Variants in NUB1 observed in about 807,000 individuals in gnomAD.
NUB1 encodes the protein NEDD8 ultimate buster 1.
Under a neutral mutation model 77.1 loss-of-function variants are expected in NUB1, and 41 were observed. That is an observed-to-expected ratio of 0.53 (90% CI 0.41 to 0.69). NUB1 has a LOEUF of 0.69. Ranked by LOEUF, NUB1 falls within the 30% of genes least tolerant of loss-of-function variation. The pLI, the probability that NUB1 is intolerant of heterozygous loss-of-function variation, is 0.00. For synonymous variants in NUB1, 257 were observed against 281.0 expected (o/e 0.91, Z 0.85); for missense variants, 643 against 743.8 (o/e 0.86, Z 1.58).
At chr7:151,359,304 G>A (rs755920687) in intron 7 of NUB1, among the ~76,000 whole-genome samples, 28 of 151,520 alleles carry the variant, frequency 1.8e-4, no homozygotes, top group African/African-American at 3.9e-4. Context: ...TTAGCCAGGC[G>A]TGGTGGTGGG....
intron 5 of NUB1, among the ~76,000 whole-genome samples, chr7:151,354,100 C>A (rs1384443862): frequency 1.3e-5 from 2 of 152,176 alleles, no homozygotes; most frequent in Admixed American, 1.3e-4. Context: ...AAGAGGTCTT[C>A]AGTCTGTCCA....
At chr7:151,363,025 T>C (rs1797457665) in intron 8 of NUB1, among the ~76,000 whole-genome samples, 1 of 152,220 alleles carries the variant, frequency 6.6e-6, no homozygotes, top group African/African-American at 2.4e-5. Context: ...TACCCTTAAC[T>C]TACCGTTTTC....
intron 11 of NUB1, 44 bp downstream of exon 11, chr7:151,368,931 C>CA (rs778891701): frequency 1.3e-6 from 2 of 1,535,348 alleles, no homozygotes; most frequent in East Asian, 2.4e-5. Context: ...TATGAAAGAA[C>CA]AAAAAAAGAT....
chr7:151,356,254 T>G, intron 7 of NUB1, 32 bp downstream of exon 7: 1 of 1,498,382 alleles, frequency 6.7e-7, no homozygotes, highest in South Asian at 1.1e-5. Flanking sequence ...TGGCCTGTTC[T>G]TAGATTTGTT....
chr7:151,346,989 G>A (rs369934149), intron 2 of NUB1, among the ~76,000 whole-genome samples: 5 of 152,130 alleles, frequency 3.3e-5, no homozygotes. Flanking sequence ...CTAACTCTGG[G>A]TAGTTAGTGT....
At chr7:151,345,192 A>G (rs1351804990) in intron 1 of NUB1, among the ~76,000 whole-genome samples, 156 bp from the exon 2 acceptor site, 1 of 151,882 alleles carries the variant, frequency 6.6e-6, no homozygotes, top group Non-Finnish European at 1.5e-5. Flanking sequence ...ATATATTTTT[A>G]GAGAAGTCTG....
At chr7:151,345,311 G>T (rs755784108) in intron 1 of NUB1, 37 bp from the exon 2 acceptor site, 2 of 1,303,974 alleles carry the variant, frequency 1.5e-6, no homozygotes, top group East Asian at 2.3e-5. Flanking sequence ...TTTAAAATGC[G>T]ATGTGGAGTT....
chr7:151,352,894 A>C lies in NUB1; in HGVS notation c.415+12A>C. 7.2e-7 allele frequency: 1 copy of C among 1,389,008 alleles called. No homozygotes were observed. The highest frequency in any genetic ancestry group is 1.0e-6 in the Non-Finnish European group (1 of 1,000,674). 86.0% of individuals were successfully genotyped at this position (1,389,008 alleles called of 1,614,324 possible). ...GCAACTACAACTAGGTATGTATGGC[A>C]AAGTATGCATAATTTTTTAATGAAC... is the stretch of plus-strand genomic sequence containing the variant. On this transcript the variant is annotated intron_variant, in intron 5 of 14. Transcript: ENST00000568733.
intron 4 of NUB1, 75 bp downstream of exon 4, chr7:151,351,557 T>C: frequency 9.3e-7 from 1 of 1,069,958 alleles, no homozygotes; most frequent in Non-Finnish European, 1.4e-6. Context: ...TCTGTGAGCG[T>C]CCTCTTAAGA....
At chr7:151,366,587 G>A (rs184600650) in intron 8 of NUB1, among the ~76,000 whole-genome samples, 263 of 152,314 alleles carry the variant, frequency 1.7e-3, no homozygotes, top group Admixed American at 3.8e-3. Flanking sequence ...AGTCAGGATT[G>A]GAAGTCACAG....
chr7:151,370,776 G>T (rs959439950), intron 11 of NUB1, among the ~76,000 whole-genome samples: 1 of 146,422 alleles, frequency 6.8e-6, no homozygotes, highest in African/African-American at 2.6e-5. Flanking sequence ...TCCCACCTGT[G>T]AGTGAGAATA....
intron 11 of NUB1, 108 bp downstream of exon 11, chr7:151,368,995 G>A (rs1388588949): frequency 1.6e-6 from 2 of 1,224,362 alleles, no homozygotes; most frequent in Non-Finnish European, 2.2e-6. Flanking sequence ...AGATTGGGAA[G>A]GAAGGAGAAA....
chr7:151,373,579 T>G (rs1477243766), intron 11 of NUB1, among the ~76,000 whole-genome samples: 1 of 152,228 alleles, frequency 6.6e-6, no homozygotes, highest in African/African-American at 2.4e-5. Flanking sequence ...CCTGGAGTCC[T>G]TGCTCCCCAG....
chr7:151,361,491 A>G (rs930287980), intron 8 of NUB1, among the ~76,000 whole-genome samples: 6 of 152,196 alleles, frequency 3.9e-5, no homozygotes, highest in Admixed American at 6.5e-5. Flanking sequence ...CAATTTCCCA[A>G]GGAGTCCTGG....
chr7:151,344,180 C>CAAAAAA lies in NUB1; in HGVS notation c.-2-1140_-2-1135dup, dbSNP rs561127147. The stretch of plus-strand genomic sequence containing the variant: ...TGGGCGACAGAGTGAGACTCCCTCT[C>CAAAAAA]AAAAAAAAAAAAAAAAAAAAAAAAA... On this transcript the variant is annotated intron_variant, in intron 1 of 14. Transcript: ENST00000568733. Among the ~76,000 whole-genome samples, 112 of 45,622 alleles carry CAAAAAA rather than the reference C, an allele frequency of 2.5e-3. 8 individuals carry two copies. The highest frequency in any genetic ancestry group is 4.8e-3 in the African/African-American group (80 of 16,670). 29.9% of individuals were successfully genotyped at this position (45,622 alleles called of 152,430 possible).
chr7:151,369,712 T>A (rs1797872709), intron 11 of NUB1, among the ~76,000 whole-genome samples: 1 of 152,256 alleles, frequency 6.6e-6, no homozygotes, highest in South Asian at 2.1e-4. Flanking sequence ...CCATTTTTCT[T>A]CTTGCCAAAA....
intron 8 of NUB1, 72 bp downstream of exon 8, chr7:151,360,319 T>C (rs1231863016): frequency 2.6e-5 from 19 of 737,050 alleles, no homozygotes; most frequent in Non-Finnish European, 4.5e-5. Flanking sequence ...CACCCTGCCA[T>C]GCCCTTGAGA....
chr7:151,351,438 G>A lies in NUB1; in HGVS notation c.300G>A (p.Leu100=). 1 of 1,612,614 alleles carries A rather than the reference G, an allele frequency of 6.2e-7. No homozygotes were observed. Among genetic ancestry groups the A allele is most frequent in the East Asian group, 2.2e-5 (1 of 44,878 alleles). The change falls in exon 4 of 15, where the codon TTG becomes TTA. Residue 100 remains leucine, a synonymous_variant. Transcript: ENST00000568733. ...ATTTTTAACAGGATAGGAAAAACTT[G>A]TTGGAGACCCGATTGCACATCACTG... ...PPRLKKDRKN[L]LETRLHITGR...
chr7:151,370,203 T>C (rs1797892773), intron 11 of NUB1, among the ~76,000 whole-genome samples: 1 of 151,998 alleles, frequency 6.6e-6, no homozygotes, highest in African/African-American at 2.4e-5. Flanking sequence ...TCTTCTGCCT[T>C]AGCCTTCTAA....
Sources: gnomAD v4.1 joint callset for allele counts (sites outside exome capture counted in the v4.1 genomes callset) on GRCh38, gnomAD v4.1.1 for gene constraint, MANE v1.5 for transcripts, NCBI Gene and HGNC (gene_info 2026-07-23, HGNC 2026-07-21) for gene names.